The following CYTH3 variants were observed in gnomAD, a reference collection of about 807,000 sequenced individuals.
The protein encoded by CYTH3 is cytohesin-3.
Under a neutral mutation model 55.1 loss-of-function variants are expected in CYTH3, and 23 were observed. The ratio of observed to expected loss-of-function variants is 0.42; its 90% CI spans 0.30 to 0.59. The LOEUF is 0.59. Among genes scored for constraint, CYTH3 ranks in the 20% least tolerant of loss-of-function variants. The pLI is 0.20. For missense variants in CYTH3, 413 were observed against 524.8 expected, an observed-to-expected ratio of 0.79 and a Z score of 2.08; for synonymous variants, 249 against 194.9, an observed-to-expected ratio of 1.28 and a Z score of -2.31.
In CYTH3 at chr7:6,169,604, A is replaced by C. The variant is rs907832114; in HGVS notation, c.823+931T>G. Among the ~76,000 whole-genome samples, 9 of 152,178 alleles carry C rather than the reference A, an allele frequency of 5.9e-5. No individual in the cohort carries two copies. Among genetic ancestry groups the C allele is most frequent in the Non-Finnish European group, 1.5e-5 (1 of 68,036 alleles). ...CTCTCAGAAAGGCTTGCGTGAACCC[A>C]GCTACCGCATCTCGCCCGCTTCACT... On this transcript the variant is annotated intron_variant, in intron 9 of 12. Coordinates refer to ENST00000350796, the MANE Select transcript of CYTH3 (RefSeq NM_004227.4). This position sits in a 1 kb window ranked among gnomAD's most constrained non-coding sequence, Gnocchi z 4.1.
chr7:6,196,416 T>C (rs2128545591), intron 1 of CYTH3, among the ~76,000 whole-genome samples: 1 of 151,786 alleles, frequency 6.6e-6, no homozygotes, highest in South Asian at 2.1e-4. Flanking sequence ...TCAAAACTAT[T>C]ACTCTTACGC....
At chr7:6,198,424 G>T (rs1338627675) in intron 1 of CYTH3, among the ~76,000 whole-genome samples, 1 of 152,100 alleles carries the variant, frequency 6.6e-6, no homozygotes, top group African/African-American at 2.4e-5. Context: ...TGCAGTCACA[G>T]AATCTGCTGA....
At chr7:6,224,887 T>C (rs73675893) in intron 1 of CYTH3, among the ~76,000 whole-genome samples, 1,912 of 152,340 alleles carry the variant, frequency 0.013, 39 homozygotes, top group African/African-American at 0.043. Flanking sequence ...AAACTATGGA[T>C]ATGTTATAAC....
intron 1 of CYTH3, among the ~76,000 whole-genome samples, chr7:6,255,206 T>C (rs1780066373): frequency 6.6e-6 from 1 of 152,194 alleles, no homozygotes; most frequent in African/African-American, 2.4e-5. Context: ...GCTGCAGATA[T>C]TTACTTAAAA....
At chr7:6,256,424 A>G (rs771810293) in intron 1 of CYTH3, among the ~76,000 whole-genome samples, 2 of 152,250 alleles carry the variant, frequency 1.3e-5, no homozygotes, top group Non-Finnish European at 2.9e-5. Context: ...CTTTACAGGT[A>G]TAACAGAAAT....
At chr7:6,187,530 G>A in intron 3 of CYTH3, 127 bp downstream of exon 3, 3 of 825,588 alleles carry the variant, frequency 3.6e-6, no homozygotes, top group Admixed American at 1.8e-5. Context: ...GGAGAGGAGA[G>A]GAATTAACAA....
At chr7:6,201,977 A>C (rs1784067684) in intron 1 of CYTH3, among the ~76,000 whole-genome samples, 2 of 152,252 alleles carry the variant, frequency 1.3e-5, no homozygotes, top group African/African-American at 4.8e-5. Flanking sequence ...TGCAGGAAAA[A>C]AAATCCAAAT....
intron 1 of CYTH3, among the ~76,000 whole-genome samples, chr7:6,219,024 A>C (rs1299188539): frequency 6.6e-6 from 1 of 151,130 alleles, no homozygotes; most frequent in African/African-American, 2.4e-5. Context: ...AAAAAAAAAA[A>C]AAACTGCCAC....
At chr7:6,251,884 T>C (rs1419780589) in intron 1 of CYTH3, among the ~76,000 whole-genome samples, 1 of 152,104 alleles carries the variant, frequency 6.6e-6, no homozygotes, top group Non-Finnish European at 1.5e-5. Context: ...TGGCTACAAT[T>C]ACAAGAAATA....
At chr7:6,196,710 C>A (rs977179812) in intron 1 of CYTH3, among the ~76,000 whole-genome samples, 2 of 152,144 alleles carry the variant, frequency 1.3e-5, no homozygotes, top group African/African-American at 4.8e-5. Context: ...ATCCACCCAC[C>A]TCAGCCTCTC....
At chr7:6,187,244 G>A in intron 3 of CYTH3, 128 bp from the exon 4 acceptor site, 2 of 970,902 alleles carry the variant, frequency 2.1e-6, no homozygotes, top group South Asian at 2.9e-5. Context: ...CTCACGGAGG[G>A]GCCCCCAGTC....
intron 1 of CYTH3, among the ~76,000 whole-genome samples, chr7:6,203,942 C>A (rs1784121959): frequency 6.6e-6 from 1 of 151,922 alleles, no homozygotes; most frequent in Non-Finnish European, 1.5e-5. Flanking sequence ...TGGTCTTGAT[C>A]TCCTGACCTC....
At chr7:6,191,994 C>T (rs1783813879) in intron 1 of CYTH3, among the ~76,000 whole-genome samples, 1 of 151,822 alleles carries the variant, frequency 6.6e-6, no homozygotes, top group South Asian at 2.1e-4. Context: ...GTGGGAGGAT[C>T]ACTTCAGCCC....
At chr7:6,202,343 C>G (rs1445912152) in intron 1 of CYTH3, among the ~76,000 whole-genome samples, 3 of 152,222 alleles carry the variant, frequency 2.0e-5, no homozygotes, top group Non-Finnish European at 2.9e-5. Context: ...ACGGGCTCAG[C>G]CCCCGGCTGG....
chr7:6,228,555 A>C (rs1240711886), intron 1 of CYTH3, among the ~76,000 whole-genome samples: 1 of 152,184 alleles, frequency 6.6e-6, no homozygotes, highest in Non-Finnish European at 1.5e-5. Flanking sequence ...CCCCCAGATG[A>C]CCTTAAAAAT....
rs149311993 is a variant in CYTH3 at position 6,213,886 on chromosome 7, T to C, written c.35-23355A>G. On this transcript the variant is annotated intron_variant, in intron 1 of 12. Coordinates refer to ENST00000350796, the MANE Select transcript of CYTH3 (RefSeq NM_004227.4). ...TGCCCACCAGGAGAACTTGGCTCCA[T>C]GAAGTTTCAGTGCTTCTCAGCCACA... Among the ~76,000 whole-genome samples, 8 of 152,208 alleles carry C rather than the reference T, an allele frequency of 5.3e-5. No individual in the cohort carries two copies. In the East Asian group the frequency reaches 1.5e-3, roughly 29 times the overall value.
chr7:6,224,903 T>C (rs1003024298), intron 1 of CYTH3, among the ~76,000 whole-genome samples: 30 of 152,200 alleles, frequency 2.0e-4, no homozygotes, highest in South Asian at 8.3e-4. Flanking sequence ...ATAACATACA[T>C]GAAACCTGAA....
At chr7:6,207,389 C>T (rs962880160) in intron 1 of CYTH3, among the ~76,000 whole-genome samples, 5 of 152,036 alleles carry the variant, frequency 3.3e-5, no homozygotes, top group Non-Finnish European at 5.9e-5. Flanking sequence ...CTGCCACGCC[C>T]GACCTAAAAT....
At chr7:6,209,711 A>T (rs1035493016) in intron 1 of CYTH3, among the ~76,000 whole-genome samples, 10 of 152,242 alleles carry the variant, frequency 6.6e-5, no homozygotes, top group African/African-American at 2.4e-4. Context: ...GAAGCAACCA[A>T]GATGTCCCTC....
Sources: gnomAD v4.1 joint callset for allele counts (sites outside exome capture counted in the v4.1 genomes callset) on GRCh38, gnomAD v4.1.1 for gene constraint, Gnocchi (gnomAD v3.1) non-coding constraint, MANE v1.5 for transcripts, NCBI Gene and HGNC (gene_info 2026-07-23, HGNC 2026-07-21) for gene names.